The following WDR41 variants were observed in gnomAD, a reference collection of about 807,000 sequenced individuals.
The protein encoded by WDR41 is WD repeat domain 41.
In WDR41, 63 loss-of-function variants were observed where a neutral mutation model predicts 69.3. The ratio of observed to expected loss-of-function variants is 0.91; its 90% CI spans 0.74 to 1.12. The LOEUF is 1.12. Among genes scored for constraint, WDR41 ranks in the 50% most tolerant of loss-of-function variants. The pLI is 0.00. For synonymous variants in WDR41, 185 were observed against 192.1 expected (o/e 0.96, Z 0.31); for missense variants, 543 against 534.5 (o/e 1.02, Z -0.16).
At chr5:77,462,712 T>C (rs148783942) in intron 4 of WDR41, among the ~76,000 whole-genome samples, 27 of 152,328 alleles carry the variant, frequency 1.8e-4, no homozygotes, top group African/African-American at 6.0e-4. Context: ...TTCTGCTGTA[T>C]AGTGGGGAAA....
At chr5:77,517,672 T>G (rs886450716) in intron 1 of WDR41, among the ~76,000 whole-genome samples, 8 of 143,674 alleles carry the variant, frequency 5.6e-5, no homozygotes, top group South Asian at 4.2e-4. Context: ...GGCTAACAGG[T>G]AATTAGCGGA....
At chr5:77,500,147 C>T (rs187792461) in intron 1 of WDR41, among the ~76,000 whole-genome samples, 49 of 152,140 alleles carry the variant, frequency 3.2e-4, no homozygotes, top group Non-Finnish European at 4.3e-4. Context: ...AATTACCTGA[C>T]GAAGACTTTA....
intron 1 of WDR41, among the ~76,000 whole-genome samples, chr5:77,559,494 G>A (rs1481577680): frequency 1.3e-5 from 2 of 151,992 alleles, no homozygotes; most frequent in East Asian, 3.9e-4. Context: ...TGGTGGTAAT[G>A]TACTACCCAA....
intron 1 of WDR41, among the ~76,000 whole-genome samples, chr5:77,584,995 C>T (rs1000996768): frequency 1.3e-5 from 2 of 152,060 alleles, no homozygotes; most frequent in African/African-American, 4.8e-5. Flanking sequence ...AACTAAAGAG[C>T]TTTTGCACAG....
chr5:77,620,326 G>C (rs1022374344), intron 1 of WDR41, among the ~76,000 whole-genome samples: 1 of 152,158 alleles, frequency 6.6e-6, no homozygotes, highest in Admixed American at 6.5e-5. Context: ...TAGAAAGTTA[G>C]CATATTGCTG....
At chr5:77,454,919 T>C (rs970510886) in intron 5 of WDR41, among the ~76,000 whole-genome samples, 3 of 152,224 alleles carry the variant, frequency 2.0e-5, no homozygotes, top group Non-Finnish European at 4.4e-5. Flanking sequence ...CTGATGGACA[T>C]ATAGATTGTT....
chr5:77,574,669 A>G (rs181722503), intron 1 of WDR41, among the ~76,000 whole-genome samples: 2 of 152,368 alleles, frequency 1.3e-5, no homozygotes, highest in African/African-American at 4.8e-5. Flanking sequence ...AGAGAGCCTA[A>G]TGAACCATTT....
intron 1 of WDR41, among the ~76,000 whole-genome samples, chr5:77,515,021 AT>A (rs2112179932): frequency 6.6e-6 from 1 of 152,318 alleles, no homozygotes; most frequent in African/African-American, 2.4e-5. Flanking sequence ...AGTAAACTTT[AT>A]AAACATTGTA....
intron 1 of WDR41, among the ~76,000 whole-genome samples, chr5:77,555,423 C>A (rs1743373361): frequency 6.6e-6 from 1 of 152,182 alleles, no homozygotes; most frequent in African/African-American, 2.4e-5. Flanking sequence ...AGCCTCCCAC[C>A]TCAGTCTCCC....
At chr5:77,531,358 C>G (rs557173019) in intron 1 of WDR41, among the ~76,000 whole-genome samples, 5 of 151,858 alleles carry the variant, frequency 3.3e-5, no homozygotes, top group Non-Finnish European at 7.4e-5. Flanking sequence ...CTTGAATAAA[C>G]GTTTTTCCAA....
intron 1 of WDR41, among the ~76,000 whole-genome samples, chr5:77,530,304 G>T (rs1322467822): frequency 6.6e-6 from 1 of 151,494 alleles, no homozygotes; most frequent in Non-Finnish European, 1.5e-5. Flanking sequence ...CATATATCCA[G>T]AAAAAGACTT....
At chr5:77,434,854 T>C (rs1798878573) in intron 12 of WDR41, among the ~76,000 whole-genome samples, 1 of 152,210 alleles carries the variant, frequency 6.6e-6, no homozygotes, top group South Asian at 2.1e-4. Context: ...GAATGAGAAA[T>C]GTGCCACATT....
chr5:77,479,227 C>T (rs1037902894), intron 2 of WDR41, among the ~76,000 whole-genome samples: 3 of 151,480 alleles, frequency 2.0e-5, no homozygotes, highest in African/African-American at 7.3e-5. Context: ...GAATCAGTAC[C>T]GTGAAAATGG....
chr5:77,498,608 C>A (rs1801969060), intron 1 of WDR41, among the ~76,000 whole-genome samples: 2 of 151,886 alleles, frequency 1.3e-5, no homozygotes, highest in Non-Finnish European at 2.9e-5. Context: ...TGCTTGAGCC[C>A]AGGAGTTCAA....
At chr5:77,593,634 A>G (rs1744170272) in intron 1 of WDR41, among the ~76,000 whole-genome samples, 1 of 152,210 alleles carries the variant, frequency 6.6e-6, no homozygotes, top group East Asian at 1.9e-4. Flanking sequence ...TCATCCATGT[A>G]TAATATGGTG....
At chr5:77,598,587 A>G (rs150850542) in intron 1 of WDR41, among the ~76,000 whole-genome samples, 115 of 152,222 alleles carry the variant, frequency 7.6e-4, no homozygotes, top group African/African-American at 2.5e-3. Context: ...TTGAGCTCCA[A>G]TCAAGTAATG....
At chr5:77,463,436 C>G (rs887730185) in intron 3 of WDR41, among the ~76,000 whole-genome samples, 1 of 151,934 alleles carries the variant, frequency 6.6e-6, no homozygotes. Context: ...AAACAAAATG[C>G]TAATTTTTAG....
At chr5:77,462,444 T>C (rs996138163) in intron 4 of WDR41, among the ~76,000 whole-genome samples, 21 of 150,526 alleles carry the variant, frequency 1.4e-4, no homozygotes, top group Admixed American at 4.6e-4. Flanking sequence ...AAAATACCTA[T>C]GTCAAAGGGC....
chr5:77,596,276 T>G (rs1744226482), intron 1 of WDR41, among the ~76,000 whole-genome samples: 1 of 152,124 alleles, frequency 6.6e-6, no homozygotes, highest in Admixed American at 6.5e-5. Context: ...GCCTCCCAAA[T>G]AGCTGAGACT....
Sources: allele counts gnomAD v4.1 joint callset (sites outside exome capture counted in the v4.1 genomes callset), GRCh38; gene constraint gnomAD v4.1.1; transcripts MANE v1.5; gene names NCBI Gene and HGNC (gene_info 2026-07-23, HGNC 2026-07-21).